Variants in LPP observed in about 807,000 individuals in gnomAD.
The protein encoded by LPP is lipoma-preferred partner.
LPP carries 38 observed loss-of-function variants against 60.4 expected under a neutral mutation model. That is an observed-to-expected ratio of 0.63 (90% CI 0.49 to 0.83). LPP has a LOEUF of 0.83. Among genes scored for constraint, LPP ranks in the 40% least tolerant of loss-of-function variants. The pLI is 0.00. For synonymous variants in LPP, 328 were observed against 290.8 expected, an observed-to-expected ratio of 1.13 and a Z score of -1.30; for missense variants, 902 against 783.6, an observed-to-expected ratio of 1.15 and a Z score of -1.80.
At position 188,433,753 on chromosome 3, in the gene LPP, GGA is replaced by G. The variant is rs754290868; in HGVS notation, c.193+27453_193+27454del. Reference sequence around the variant, plus strand: ...AGAGGAAGGTATGGAGAGACAGGAGGGAGAGAGAGAGAGAAGGAAAAGAAGGA... The same window carrying G: ...AGAGGAAGGTATGGAGAGACAGGAGGGAGAGAGAGAGAAGGAAAAGAAGGA... On this transcript the variant is annotated intron_variant, in intron 4 of 11. Transcript: ENST00000617246. 2.0e-4 allele frequency among the ~76,000 whole-genome samples: 30 copies of G among 148,290 alleles called. 1 individual carries two copies. Among genetic ancestry groups the G allele is most frequent in the Admixed American group, 6.1e-4 (9 of 14,800 alleles).
rs58627957 is a variant in LPP, at chr3:188,775,055, G to GTTTTT, written c.1410+14785_1410+14789dup. Among the ~76,000 whole-genome samples, 301 of 136,682 alleles carry GTTTTT rather than the reference G, an allele frequency of 2.2e-3. 2 individuals carry two copies. Among genetic ancestry groups the GTTTTT allele is most frequent in the Admixed American group, 4.1e-3 (56 of 13,574 alleles). The allele number at this position is 136,682 out of a possible 152,430, so 89.7% of individuals were successfully genotyped here. On this transcript the variant is annotated intron_variant, in intron 9 of 11. Coordinates refer to ENST00000617246, the MANE Select transcript of LPP (RefSeq NM_001375462.1). ...GTTATATAGAAACTACATGCTTAGT[G>GTTTTT]TTTTTTTTTTTTTTTTAGACAGAGT...
At chr3:188,736,722 G>GGATA (rs928392555) in intron 8 of LPP, among the ~76,000 whole-genome samples, 1 of 151,234 alleles carries the variant, frequency 6.6e-6, no homozygotes, top group Non-Finnish European at 1.5e-5. Context: ...ATACATAGAT[G>GGATA]GATAGATAGA....
intron 7 of LPP, among the ~76,000 whole-genome samples, chr3:188,673,520 G>T (rs948844697): frequency 2.6e-5 from 4 of 152,056 alleles, no homozygotes; most frequent in African/African-American, 9.7e-5. Flanking sequence ...TCATAATTAG[G>T]CTCATGCTTT....
chr3:188,473,639 T>C (rs569488689), intron 4 of LPP, among the ~76,000 whole-genome samples: 24 of 152,308 alleles, frequency 1.6e-4, no homozygotes, highest in African/African-American at 5.3e-4. Context: ...TGAGTTTCAA[T>C]ACCTCAAGCT....
intron 9 of LPP, among the ~76,000 whole-genome samples, chr3:188,844,620 A>G (rs1384927177): frequency 6.6e-6 from 1 of 152,240 alleles, no homozygotes; most frequent in African/African-American, 2.4e-5. Flanking sequence ...TCAAAAATTC[A>G]AAATTCTATC....
rs557171717 is a variant in LPP at position 188,541,232 on chromosome 3, G to C, written c.429+16445G>C. Among the ~76,000 whole-genome samples, 7 of 152,328 alleles carry C rather than the reference G, an allele frequency of 4.6e-5. No individual in the cohort carries two copies. The East Asian group carries it at 1.2e-3, about 25-fold the overall frequency. On this transcript the variant is annotated intron_variant, in intron 6 of 11. Coordinates refer to ENST00000617246, the MANE Select transcript of LPP (RefSeq NM_001375462.1). Reference sequence around the variant, plus strand: ...TTCATCTGATTGACCTGGAGGGCTTGTTAAATGCCATTACTGGGCTCTACC... The same window carrying C: ...TTCATCTGATTGACCTGGAGGGCTTCTTAAATGCCATTACTGGGCTCTACC...
chr3:188,363,951 G>A (rs1481697986), intron 3 of LPP, among the ~76,000 whole-genome samples: 1 of 151,322 alleles, frequency 6.6e-6, no homozygotes, highest in Non-Finnish European at 1.5e-5. Flanking sequence ...GTTCCTTTGG[G>A]CAAGATGTTG....
At chr3:188,307,234 C>G (rs1374464974) in intron 2 of LPP, among the ~76,000 whole-genome samples, 1 of 152,158 alleles carries the variant, frequency 6.6e-6, no homozygotes, top group Non-Finnish European at 1.5e-5. Flanking sequence ...TGAAATGTGA[C>G]AGGTAGCTTT....
intron 5 of LPP, among the ~76,000 whole-genome samples, chr3:188,492,958 T>C (rs1172511923): frequency 6.6e-6 from 1 of 152,258 alleles, no homozygotes; most frequent in Non-Finnish European, 1.5e-5. Flanking sequence ...TTAAATTTTA[T>C]AACCACATCA....
At chr3:188,550,846 A>G (rs959527383) in intron 6 of LPP, among the ~76,000 whole-genome samples, 3 of 152,144 alleles carry the variant, frequency 2.0e-5, no homozygotes, top group African/African-American at 7.2e-5. Context: ...CCATAGGGTT[A>G]TGTTTTAAAC....
intron 7 of LPP, among the ~76,000 whole-genome samples, chr3:188,672,633 G>A (rs1857170577): frequency 6.6e-6 from 1 of 152,172 alleles, no homozygotes; most frequent in South Asian, 2.1e-4. Flanking sequence ...CTGGGCAGAG[G>A]CTGCCCTGCA....
At chr3:188,847,881 T>C (rs1761841028) in intron 9 of LPP, among the ~76,000 whole-genome samples, 1 of 151,928 alleles carries the variant, frequency 6.6e-6, no homozygotes, top group Non-Finnish European at 1.5e-5. Flanking sequence ...TTATGGAGAA[T>C]TTTGTTAGGA....
intron 2 of LPP, among the ~76,000 whole-genome samples, chr3:188,340,548 A>C (rs1458897239): frequency 6.6e-6 from 1 of 152,032 alleles, no homozygotes; most frequent in African/African-American, 2.4e-5. Context: ...CAATAAATCC[A>C]TCCATTCTAT....
In LPP at chr3:188,882,358, G is replaced by GA. The variant is rs999147420; in HGVS notation, c.*7887dup. 11 of 225,712 alleles carry GA rather than the reference G, an allele frequency of 4.9e-5. No homozygotes were observed. Among genetic ancestry groups the GA allele is most frequent in the African/African-American group, 6.7e-5 (3 of 44,910 alleles). The allele number at this position is 225,712 out of a possible 1,614,324, so 14.0% of individuals were successfully genotyped here. On this transcript the variant is annotated 3_prime_UTR_variant, in exon 12 of 12. Transcript: ENST00000617246. ...GGATTCTGGAAATTCCTTCTTAACAGAAAAAAAAGGCTTCCAAATAATCAG... is the reference window on the plus strand; with the variant it reads ...GGATTCTGGAAATTCCTTCTTAACAGAAAAAAAAAGGCTTCCAAATAATCAG...
At chr3:188,256,181 TTAAA>T (rs1731606164) in intron 2 of LPP, among the ~76,000 whole-genome samples, 1 of 152,132 alleles carries the variant, frequency 6.6e-6, no homozygotes, top group Non-Finnish European at 1.5e-5. Flanking sequence ...AATGTATGGG[TTAAA>T]TAATTAAGAA....
chr3:188,829,195 C>T (rs898520718), intron 9 of LPP, among the ~76,000 whole-genome samples: 26 of 152,166 alleles, frequency 1.7e-4, no homozygotes, highest in African/African-American at 5.8e-4. Context: ...TTTTGTATCA[C>T]ATCAGAAGAA....
At chr3:188,270,286 CAG>C (rs1253797356) in intron 2 of LPP, among the ~76,000 whole-genome samples, 4 of 151,864 alleles carry the variant, frequency 2.6e-5, no homozygotes, top group African/African-American at 7.3e-5. Flanking sequence ...CCCAAACACA[CAG>C]ACGTGTGTGT....
chr3:188,222,143 G>A (rs1716011200), intron 1 of LPP, among the ~76,000 whole-genome samples: 1 of 152,054 alleles, frequency 6.6e-6, no homozygotes, highest in Non-Finnish European at 1.5e-5. Flanking sequence ...GGATTTGGAG[G>A]CCATTTAAAA....
chr3:188,215,561 A>G (rs1033950967), intron 1 of LPP, among the ~76,000 whole-genome samples: 3 of 152,190 alleles, frequency 2.0e-5, no homozygotes, highest in Admixed American at 2.0e-4. Context: ...TTATTTCACT[A>G]AGCGTAGTGT....
Sources: gnomAD v4.1 joint callset for allele counts (sites outside exome capture counted in the v4.1 genomes callset) on GRCh38, gnomAD v4.1.1 for gene constraint, MANE v1.5 for transcripts, NCBI Gene and HGNC (gene_info 2026-07-23, HGNC 2026-07-21) for gene names.